Variants in SLC28A2 observed in about 807,000 individuals in gnomAD.
The protein encoded by SLC28A2 is solute carrier family 28 member 2.
SLC28A2 carries 69 observed loss-of-function variants against 72.9 expected under a neutral mutation model. The ratio of observed to expected loss-of-function variants is 0.95; its 90% CI spans 0.78 to 1.16. The LOEUF is 1.16. Ranked by LOEUF, SLC28A2 falls within the 50% of genes most tolerant of loss-of-function variation. SLC28A2 has a pLI of 0.00. For missense variants in SLC28A2, 745 were observed against 791.1 expected, an observed-to-expected ratio of 0.94 and a Z score of 0.70; for synonymous variants, 296 against 294.1, an observed-to-expected ratio of 1.01 and a Z score of -0.07.
At position 45,253,094 on chromosome 15, in the gene SLC28A2, CTT is replaced by C. The variant is rs201033556; in HGVS notation, c.-16-103_-16-102del. ...AAGAAATCAACTAAGCCTTCAAAGACTTTTAGTTTTGCGTTTTCCATGGGTAA... is the reference window on the plus strand; with the variant it reads ...AAGAAATCAACTAAGCCTTCAAAGACTTAGTTTTGCGTTTTCCATGGGTAA... On this transcript the variant is annotated intron_variant, in intron 1 of 17. Transcript: ENST00000347644. 3 of 645,224 alleles carry C rather than the reference CTT, an allele frequency of 4.6e-6. No homozygotes were observed. In the African/African-American group the frequency reaches 5.4e-5, roughly 12 times the overall value. 40.0% of individuals were successfully genotyped at this position (645,224 alleles called of 1,614,324 possible). A position where few individuals can be genotyped will look rare whatever the true frequency, so the allele number is the denominator to read the frequency against.
intron 14 of SLC28A2, among the ~76,000 whole-genome samples, chr15:45,269,934 G>C (rs16941242): frequency 1.4e-4 from 21 of 151,792 alleles, no homozygotes; most frequent in Non-Finnish European, 1.9e-4. Context: ...CTCCTCCTTC[G>C]CAATCCTTCT....
At chr15:45,256,704 C>T (rs1272536826) in intron 3 of SLC28A2, among the ~76,000 whole-genome samples, 3 of 152,074 alleles carry the variant, frequency 2.0e-5, no homozygotes, top group Admixed American at 6.6e-5. Flanking sequence ...CCACTGTGGC[C>T]GGCCTACTTT....
At position 45,269,343 on chromosome 15, in the gene SLC28A2, C is replaced by A; in HGVS notation, c.1374C>A (p.Ile458=). 1 of 1,613,516 alleles carries A rather than the reference C, an allele frequency of 6.2e-7. No homozygotes were observed. The highest frequency in any genetic ancestry group is 8.5e-7 in the Non-Finnish European group (1 of 1,179,512). Residue 458 remains isoleucine, a synonymous_variant, in exon 14 of 18, where the codon ATC becomes ATA. Coordinates refer to ENST00000347644, the MANE Select transcript of SLC28A2 (RefSeq NM_004212.4). ...VDIQGLTFQV[I]CSYLLRPMVF... ...GATATCTCTCTTTCACTCAGGTCAT[C>A]TGCTCCTATCTCCTAAGGCCCATGG...
At chr15:45,268,413 G>A in intron 13 of SLC28A2, 35 bp downstream of exon 13, 3 of 1,541,270 alleles carry the variant, frequency 1.9e-6, no homozygotes, top group Non-Finnish European at 2.7e-6. Flanking sequence ...GTCCCTCTGG[G>A]ATGTGGTTAG....
rs373729946 is a variant in SLC28A2 at position 45,265,202 on chromosome 15, T to C, written c.780+36T>C. 123 of 1,326,586 alleles carry C rather than the reference T, an allele frequency of 9.3e-5. 1 individual carries two copies. Among genetic ancestry groups the C allele is most frequent in the Admixed American group, 4.4e-4 (26 of 59,622 alleles). The allele number at this position is 1,326,586 out of a possible 1,614,324, so 82.2% of individuals were successfully genotyped here. On this transcript the variant is annotated intron_variant, in intron 8 of 17. Transcript: ENST00000347644. ...TTTTATGGGCAGGAATGATGGTCTA[T>C]GGAGGGGTAGAGGAATAAAGCAGAG...
chr15:45,268,437 C>T, intron 13 of SLC28A2, 59 bp downstream of exon 13: 2 of 1,399,638 alleles, frequency 1.4e-6, no homozygotes, highest in Non-Finnish European at 2.0e-6. Context: ...GCCCTTCAAA[C>T]ATGCATGTCC....
In SLC28A2 at chr15:45,264,775, G is replaced by T. The variant is rs769208049; in HGVS notation, c.702+7G>T. ...GCTGGGAGAGCAGGTCCAGGTATGAGAAATTAAATGCGAGGGCTTTTCTCT... is the reference window on the plus strand; with the variant it reads ...GCTGGGAGAGCAGGTCCAGGTATGATAAATTAAATGCGAGGGCTTTTCTCT... On this transcript the variant is annotated splice_region_variant and intron_variant, in intron 7 of 17. Transcript: ENST00000347644. 6.5e-7 allele frequency: 1 copy of T among 1,535,460 alleles called. No homozygotes were observed. The highest frequency in any genetic ancestry group is 1.1e-5 in the South Asian group (1 of 89,364).
chr15:45,270,559 AATG>A (rs778385318), intron 15 of SLC28A2, among the ~76,000 whole-genome samples: 1 of 152,138 alleles, frequency 6.6e-6, no homozygotes, highest in African/African-American at 2.4e-5. Context: ...AAGAAAATAT[AATG>A]ATATTATTTC....
At chr15:45,267,909 C>A in intron 12 of SLC28A2, 113 bp downstream of exon 12, 1 of 1,300,290 alleles carries the variant, frequency 7.7e-7, no homozygotes, top group Non-Finnish European at 1.1e-6. Context: ...TTCCATATTC[C>A]TTCTTGCCTA....
rs1900510928 is a variant in SLC28A2, at chr15:45,270,385, T to C, written c.1648+109T>C. The C allele has an allele frequency of 8.8e-6, 7 of 791,304 alleles. No homozygotes were observed. In the Admixed American group the frequency reaches 1.4e-4, roughly 16 times the overall value. The allele number at this position is 791,304 out of a possible 1,614,324, so 49.0% of individuals were successfully genotyped here. ...AGCTGGGATCAGATAGAGAAGCCAT[T>C]GTGAAATGGGCCCATTTCTTAGGCT... On this transcript the variant is annotated intron_variant, in intron 15 of 17. Coordinates refer to ENST00000347644, the MANE Select transcript of SLC28A2 (RefSeq NM_004212.4).
Position 45,275,706 on chromosome 15 carries a change from C to T in SLC28A2, c.*193C>T, listed in dbSNP as rs199771134. 1.1e-3 allele frequency: 552 copies of T among 497,296 alleles called. 4 individuals are homozygous for T. In the East Asian group the frequency reaches 0.019, roughly 17 times the overall value. The allele number at this position is 497,296 out of a possible 1,614,324, so 30.8% of individuals were successfully genotyped here. A position where few individuals can be genotyped will look rare whatever the true frequency, so the allele number is the denominator to read the frequency against. On this transcript the variant is annotated 3_prime_UTR_variant, in exon 18 of 18. Coordinates refer to ENST00000347644, the MANE Select transcript of SLC28A2 (RefSeq NM_004212.4). ...ATCCCAGCACTTTGGGAGGCCGAGG[C>T]GGGCGGATCACAAGGTCAGGAGATC...
chr15:45,259,319 T>C (rs563670158), intron 3 of SLC28A2, among the ~76,000 whole-genome samples: 2 of 152,322 alleles, frequency 1.3e-5, no homozygotes, highest in Admixed American at 1.3e-4. Context: ...CATAAACATA[T>C]ACAATTTTTG....
chr15:45,266,951 A>C (rs1336183694), intron 10 of SLC28A2, among the ~76,000 whole-genome samples: 2 of 152,196 alleles, frequency 1.3e-5, no homozygotes, highest in East Asian at 1.9e-4. Flanking sequence ...TCAGTGCTGG[A>C]TATGGCTTAC....
intron 4 of SLC28A2, among the ~76,000 whole-genome samples, chr15:45,262,430 G>GT (rs1900191140): frequency 6.6e-6 from 1 of 152,136 alleles, no homozygotes; most frequent in African/African-American, 2.4e-5. Context: ...ACAGAAGCCT[G>GT]TATTATACCT....
rs148247244 is a variant in SLC28A2, at chr15:45,272,754, C to G, written c.1829C>G (p.Thr610Ser). 36 of 1,609,964 alleles carry G rather than the reference C, an allele frequency of 2.2e-5. No homozygotes were observed. The highest frequency in any genetic ancestry group is 3.1e-5 in the Non-Finnish European group (36 of 1,176,382). ...AGTTTCACCAATAGAACCTATGAGA[C>G]CTACATGTGCTGCAGAGGGCTCTTT... Reference protein sequence around the residue: ...NTSFTNRTYETYMCCRGLFQS... With the variant: ...NTSFTNRTYESYMCCRGLFQS... Residue 610 changes from threonine to serine, a missense_variant, in exon 17 of 18, where the codon ACC becomes AGC. Physicochemically the swap from Thr to Ser is moderately conservative, Grantham distance 58 (BLOSUM62 1). Coordinates refer to ENST00000347644, the MANE Select transcript of SLC28A2 (RefSeq NM_004212.4).
Position 45,266,142 on chromosome 15 carries a change from G to A in SLC28A2, c.923G>A (p.Gly308Glu). The A allele has an allele frequency of 6.2e-7, 1 of 1,613,610 alleles. No individual in the cohort carries two copies. The highest frequency in any genetic ancestry group is 8.5e-7 in the Non-Finnish European group (1 of 1,179,508). Residue 308 changes from glycine to glutamate, a missense_variant, in exon 10 of 18, where the codon GGA (glycine) becomes GAA (glutamate). Coordinates refer to ENST00000347644, the MANE Select transcript of SLC28A2 (RefSeq NM_004212.4). ...TTATETLAVA[G>E]NIFVGMTEAP... ...GCTACAGAGACCCTGGCTGTGGCAGGAAACATCTTTGTGGGTATGGTAAGC... is the reference window on the plus strand; with the variant it reads ...GCTACAGAGACCCTGGCTGTGGCAGAAAACATCTTTGTGGGTATGGTAAGC...
At chr15:45,264,834 G>T in intron 7 of SLC28A2, 66 bp downstream of exon 7, 1 of 1,006,566 alleles carries the variant, frequency 9.9e-7, no homozygotes, top group Non-Finnish European at 1.6e-6. Flanking sequence ...TTTGAGAGGA[G>T]CATGAGAAGA....
intron 3 of SLC28A2, among the ~76,000 whole-genome samples, chr15:45,257,246 C>T (rs976124432): frequency 1.3e-5 from 2 of 152,182 alleles, no homozygotes; most frequent in Non-Finnish European, 2.9e-5. Context: ...CTCTCCTCCC[C>T]TCAACCTCAC....
At chr15:45,255,201 A>G (rs12898818) in intron 3 of SLC28A2, 71,285 of 150,790 alleles carry the variant, frequency 0.47, 20,521 homozygotes, top group Non-Finnish European at 0.67. Context: ...GGCTGCAGTG[A>G]GCCATGATCG....
Sources: gnomAD v4.1 joint callset for allele counts (sites outside exome capture counted in the v4.1 genomes callset) on GRCh38, gnomAD v4.1.1 for gene constraint, MANE v1.5 for transcripts, NCBI Gene and HGNC (gene_info 2026-07-23, HGNC 2026-07-21) for gene names.